The following APBA2 variants were observed in gnomAD, a reference collection of about 807,000 sequenced individuals.
APBA2 encodes amyloid beta precursor protein binding family A member 2.
Under a neutral mutation model 75.0 loss-of-function variants are expected in APBA2, and 30 were observed. The observed-to-expected ratio is 0.40, with a 90% CI of 0.30 to 0.54. APBA2 has a LOEUF of 0.54. APBA2 is among the 20% of genes least tolerant of loss of function. APBA2 has a pLI of 0.49. For synonymous variants in APBA2, 444 were observed against 409.6 expected (o/e 1.08, Z -1.01); for missense variants, 801 against 1,016.1 (o/e 0.79, Z 2.88).
chr15:29,080,790 A>G (rs1218009817), intron 6 of APBA2, among the ~76,000 whole-genome samples: 2 of 152,200 alleles, frequency 1.3e-5, no homozygotes, highest in African/African-American at 4.8e-5. Flanking sequence ...CAAAAGGCTG[A>G]TGTTAGTCCC....
intron 4 of APBA2, among the ~76,000 whole-genome samples, chr15:29,073,669 T>A (rs968111089): frequency 2.6e-5 from 4 of 152,232 alleles, no homozygotes; most frequent in African/African-American, 9.6e-5. Context: ...GTAACTTTTA[T>A]CATCAGTGTC....
At chr15:29,062,216 G>A (rs956220651) in intron 4 of APBA2, among the ~76,000 whole-genome samples, 1 of 152,052 alleles carries the variant, frequency 6.6e-6, no homozygotes, top group African/African-American at 2.4e-5. Context: ...CCCTTGCCCC[G>A]CCCACCCATG....
At position 28,907,840 on chromosome 15, in the gene APBA2, G is replaced by T. The variant is rs375419649; in HGVS notation, c.-204-13800G>T. 1.8e-4 allele frequency among the ~76,000 whole-genome samples: 28 copies of T among 152,288 alleles called. No homozygotes were observed. The East Asian group carries it at 5.0e-3, about 27-fold the overall frequency. On this transcript the variant is annotated intron_variant, in intron 1 of 14. Transcript: ENST00000683413. ...CCATAAAGTCTGCCTTTCCCCAGGG[G>T]AGTGGCTGCTGCTGGTGTATTTTCT...
At chr15:28,987,109 A>C (rs976771730) in intron 2 of APBA2, among the ~76,000 whole-genome samples, 6 of 151,798 alleles carry the variant, frequency 4.0e-5, no homozygotes, top group African/African-American at 1.5e-4. Flanking sequence ...TTAACATGTG[A>C]ATTTGGAGAA....
At position 29,101,801 on chromosome 15, in the gene APBA2, C is replaced by A. The variant is rs144963919; in HGVS notation, c.1524+17C>A. 5 of 1,609,962 alleles carry A rather than the reference C, an allele frequency of 3.1e-6. No homozygotes were observed. Among genetic ancestry groups the A allele is most frequent in the Non-Finnish European group, 4.2e-6 (5 of 1,178,586 alleles). On this transcript the variant is annotated intron_variant, in intron 10 of 14. Transcript: ENST00000683413. ...TCGGAGGATGTAAGTAAGCCCTTGC[C>A]AGGGCACTCCCCTCCCAAAGTTCAC...
chr15:29,052,457 A>AAAAAG (rs2041645601), intron 3 of APBA2, among the ~76,000 whole-genome samples: 1 of 150,850 alleles, frequency 6.6e-6, no homozygotes, highest in African/African-American at 2.4e-5. Flanking sequence ...TCCATCTCAA[A>AAAAAG]AAAAAAAAAA....
chr15:28,909,077 G>A (rs1195608146), intron 1 of APBA2, among the ~76,000 whole-genome samples: 1 of 148,794 alleles, frequency 6.7e-6, no homozygotes, highest in East Asian at 2.0e-4. Context: ...AGCTCCGCCT[G>A]CTAGGTTCAC....
chr15:28,990,672 T>C (rs2038181481), intron 2 of APBA2: 1 of 152,136 alleles, frequency 6.6e-6, no homozygotes, highest in African/African-American at 2.4e-5. Context: ...CTTGAAAGAA[T>C]TGGTCCCCAG....
intron 2 of APBA2, among the ~76,000 whole-genome samples, chr15:28,928,217 ATGATGTATAGGG>A: frequency 6.6e-6 from 1 of 151,750 alleles, no homozygotes; most frequent in Non-Finnish European, 1.5e-5. Context: ...GAAGCTAGAT[ATGATGTATAGGG>A]TGATGGGAAC....
chr15:29,014,673 C>A (rs80299532), intron 3 of APBA2, among the ~76,000 whole-genome samples: 1 of 150,402 alleles, frequency 6.6e-6, no homozygotes, highest in African/African-American at 2.5e-5. Flanking sequence ...TGAGCTCACC[C>A]GTCTGCAGAT....
At chr15:29,086,891 A>T (rs1247443996) in intron 6 of APBA2, among the ~76,000 whole-genome samples, 1 of 152,244 alleles carries the variant, frequency 6.6e-6, no homozygotes, top group Admixed American at 6.5e-5. Flanking sequence ...GATGTATGCA[A>T]AGAGGTCAGT....
chr15:29,033,789 G>A (rs2040603475), intron 3 of APBA2, among the ~76,000 whole-genome samples: 3 of 151,780 alleles, frequency 2.0e-5, no homozygotes, highest in Non-Finnish European at 4.4e-5. Context: ...GTGAAACCCC[G>A]TCTCTACTAA....
chr15:29,034,340 C>G (rs2040638138), intron 3 of APBA2, among the ~76,000 whole-genome samples: 1 of 152,202 alleles, frequency 6.6e-6, no homozygotes, highest in South Asian at 2.1e-4. Flanking sequence ...CATCCTGAGT[C>G]ATCTCTTTTG....
chr15:28,938,919 C>T (rs1425066122), intron 2 of APBA2, among the ~76,000 whole-genome samples: 2 of 152,166 alleles, frequency 1.3e-5, no homozygotes, highest in Non-Finnish European at 2.9e-5. Flanking sequence ...GAATTAAGTA[C>T]ATCAACATTG....
chr15:28,889,338 C>T (rs986400730), intron 1 of APBA2, among the ~76,000 whole-genome samples: 10 of 152,230 alleles, frequency 6.6e-5, no homozygotes, highest in African/African-American at 1.9e-4. Context: ...TGGGGTGCCA[C>T]TGCTGTGTGC....
At chr15:28,915,972 C>G (rs1164246293) in intron 1 of APBA2, among the ~76,000 whole-genome samples, 2 of 152,158 alleles carry the variant, frequency 1.3e-5, no homozygotes, top group African/African-American at 4.8e-5. Context: ...TACTCTGTAT[C>G]TGACGCACAC....
rs1416608918 is a variant in APBA2, at chr15:29,118,145, GTC to G, written c.*1016_*1017del. 5.2e-5 allele frequency: 8 copies of G among 152,788 alleles called. No individual in the cohort carries two copies. The highest frequency in any genetic ancestry group is 2.6e-4 in the Admixed American group (4 of 15,308). 9.5% of individuals were successfully genotyped at this position (152,788 alleles called of 1,614,324 possible). Reference sequence around the variant, plus strand: ...TAATCTGACGTCATCTTGTCTCGAAGTCTCTTTTTTTGGCCCAGGCCTTGAAG... The same window carrying G: ...TAATCTGACGTCATCTTGTCTCGAAGTCTTTTTTTGGCCCAGGCCTTGAAG... On this transcript the variant is annotated 3_prime_UTR_variant, in exon 15 of 15. Coordinates refer to ENST00000683413, the MANE Select transcript of APBA2 (RefSeq NM_001353788.2).
At chr15:29,024,890 GGCCTGAGGTATA>G (rs904445356) in intron 3 of APBA2, among the ~76,000 whole-genome samples, 1 of 152,284 alleles carries the variant, frequency 6.6e-6, no homozygotes, top group African/African-American at 2.4e-5. Context: ...AGCAGGAGAT[GGCCTGAGGTATA>G]GCCTTGGGGC....
At chr15:28,945,908 A>T (rs1187246305) in intron 2 of APBA2, among the ~76,000 whole-genome samples, 1 of 152,202 alleles carries the variant, frequency 6.6e-6, no homozygotes, top group African/African-American at 2.4e-5. Flanking sequence ...CGTGATGAGG[A>T]GGAGGACTCT....
Sources: gnomAD v4.1 joint callset for allele counts (sites outside exome capture counted in the v4.1 genomes callset) on GRCh38, gnomAD v4.1.1 for gene constraint, MANE v1.5 for transcripts, NCBI Gene and HGNC (gene_info 2026-07-23, HGNC 2026-07-21) for gene names.